Variants in AADACL2 observed in about 807,000 individuals in gnomAD.
The protein encoded by AADACL2 is arylacetamide deacetylase-like 2.
In AADACL2, 23 loss-of-function variants were observed where a neutral mutation model predicts 22.3. That is an observed-to-expected ratio of 1.03 (90% CI 0.74 to 1.46). The LOEUF (loss-of-function observed/expected upper bound fraction) is 1.46, where lower values mean the gene tolerates loss of function less well. AADACL2 is among the 40% of genes most tolerant of loss of function. AADACL2 has a pLI of 0.00. For synonymous variants in AADACL2, 177 were observed against 166.2 expected (o/e 1.07, Z -0.50); for missense variants, 472 against 482.9 (o/e 0.98, Z 0.21).
chr3:151,740,908 C>T (rs777349068), intron 2 of AADACL2, 40 bp downstream of exon 2: 3 of 1,549,024 alleles, frequency 1.9e-6, no homozygotes, highest in Non-Finnish European at 2.7e-6. Context: ...GCTAGCTCTA[C>T]ATTTTTGATA....
chr3:151,756,482 C>T (rs1315901855), intron 4 of AADACL2, among the ~76,000 whole-genome samples: 1 of 151,814 alleles, frequency 6.6e-6, no homozygotes, highest in Non-Finnish European at 1.5e-5. Context: ...TGGTAATGTC[C>T]ACCTTGTTTC....
At chr3:151,742,406 C>T (rs947768596) in intron 2 of AADACL2, among the ~76,000 whole-genome samples, 3 of 152,062 alleles carry the variant, frequency 2.0e-5, no homozygotes, top group Admixed American at 6.6e-5. Flanking sequence ...TGAGTACAGA[C>T]AGTTTGAGAT....
chr3:151,754,064 G>A (rs896957903), intron 4 of AADACL2, among the ~76,000 whole-genome samples: 1 of 152,094 alleles, frequency 6.6e-6, no homozygotes, highest in African/African-American at 2.4e-5. Context: ...TGCTTTGAAT[G>A]GGCTTTGAAG....
chr3:151,751,810 C>G (rs1046877475), intron 4 of AADACL2, among the ~76,000 whole-genome samples: 2 of 152,162 alleles, frequency 1.3e-5, no homozygotes, highest in African/African-American at 4.8e-5. Flanking sequence ...AACACAGGCA[C>G]CAAACAGAGA....
At chr3:151,740,985 G>A (rs879672196) in intron 2 of AADACL2, 117 bp downstream of exon 2, 43 of 793,692 alleles carry the variant, frequency 5.4e-5, no homozygotes, top group Non-Finnish European at 8.0e-5. Flanking sequence ...TACTTGTCTG[G>A]ATATGGATAA....
intron 3 of AADACL2, among the ~76,000 whole-genome samples, chr3:151,745,139 T>A (rs13327718): frequency 0.35 from 53,336 of 151,826 alleles, 9,581 homozygotes; most frequent in Middle Eastern, 0.47. Flanking sequence ...TGCAGCCTAT[T>A]GTGCTTTTTA....
intron 4 of AADACL2, among the ~76,000 whole-genome samples, chr3:151,747,460 AG>A (rs1713491240): frequency 6.6e-6 from 1 of 152,004 alleles, no homozygotes; most frequent in Non-Finnish European, 1.5e-5. Flanking sequence ...ATCCACTTCT[AG>A]GGGTTTAACT....
In AADACL2 at chr3:151,757,131, A is replaced by C. The variant is rs1277689569; in HGVS notation, c.743A>C (p.Lys248Thr). The C allele has an allele frequency of 1.3e-5, 21 of 1,613,480 alleles. No homozygotes were observed. Among genetic ancestry groups the C allele is most frequent in the South Asian group, 2.2e-5 (2 of 91,030 alleles). Residue 248 changes from lysine to threonine, a missense_variant, in exon 5 of 5, where the codon AAA (lysine) becomes ACA (threonine). Physicochemically the swap from Lys to Thr is moderately conservative, Grantham distance 78. Transcript: ENST00000356517. ...GIVLTRDVAI[K>T]LVSLYFTKDE... ...GTTTTGACCAGGGATGTAGCCATAA[A>C]ACTCGTGAGCTTATATTTCACCAAG...
chr3:151,734,221 G>A (rs1354721302), intron 1 of AADACL2, 48 bp downstream of exon 1: 1 of 1,583,708 alleles, frequency 6.3e-7, no homozygotes, highest in African/African-American at 1.4e-5. Flanking sequence ...ATGACTTATT[G>A]ACTAAAAATG....
At chr3:151,749,785 C>CT (rs200119393) in intron 4 of AADACL2, among the ~76,000 whole-genome samples, 9,494 of 152,134 alleles carry the variant, frequency 0.062, 342 homozygotes, top group Middle Eastern at 0.082. Flanking sequence ...CCGGCCCAGA[C>CT]TTTTTTTACT....
chr3:151,745,231 A>G (rs1713399983), intron 3 of AADACL2, among the ~76,000 whole-genome samples: 1 of 152,204 alleles, frequency 6.6e-6, no homozygotes, highest in Non-Finnish European at 1.5e-5. Context: ...CCATTCTAAA[A>G]TACACTTGGA....
At chr3:151,736,302 CTTT>C (rs10575713) in intron 1 of AADACL2, among the ~76,000 whole-genome samples, 16,773 of 138,420 alleles carry the variant, frequency 0.12, 990 homozygotes, top group Middle Eastern at 0.2. Context: ...AAGGATTTAT[CTTT>C]TTTTTTTTTT....
intron 4 of AADACL2, among the ~76,000 whole-genome samples, chr3:151,748,606 G>A (rs1713539523): frequency 6.6e-6 from 1 of 152,206 alleles, no homozygotes. Flanking sequence ...GAATGAAATA[G>A]TTTGTCAGAG....
chr3:151,740,938 AT>A, intron 2 of AADACL2, 70 bp downstream of exon 2: 2 of 1,280,182 alleles, frequency 1.6e-6, no homozygotes, highest in Middle Eastern at 2.1e-4. Flanking sequence ...TTTTATATAA[AT>A]ATACACACTT....
chr3:151,754,538 G>C (rs1323590963), intron 4 of AADACL2, among the ~76,000 whole-genome samples: 4 of 152,076 alleles, frequency 2.6e-5, no homozygotes, highest in Non-Finnish European at 4.4e-5. Context: ...ATTATAAAAG[G>C]AAAGTTCAAA....
chr3:151,745,738 T>G (rs182227200), intron 4 of AADACL2, 58 bp downstream of exon 4: 1 of 1,509,708 alleles, frequency 6.6e-7, no homozygotes, highest in Non-Finnish European at 8.9e-7. Context: ...TTTTTTTCTA[T>G]AGATAATTCA....
rs537754797 is a variant in AADACL2, at chr3:151,743,761, G to A, written c.362-332G>A. 3.9e-5 allele frequency among the ~76,000 whole-genome samples: 6 copies of A among 152,248 alleles called. No individual in the cohort carries two copies. The South Asian group carries it at 1.2e-3, about 32-fold the overall frequency. ...ACCATTATTTCAGATGAAGTAAAAT[G>A]CACCAGGATACAAAGGGTCCTGGGA... On this transcript the variant is annotated intron_variant, in intron 2 of 4. Coordinates refer to ENST00000356517, the MANE Select transcript of AADACL2 (RefSeq NM_207365.4).
At position 151,744,151 on chromosome 3, in the gene AADACL2, T is replaced by C. The variant is rs1168678456; in HGVS notation, c.420T>C (p.Val140=). 6 of 1,613,640 alleles carry C rather than the reference T, an allele frequency of 3.7e-6. No homozygotes were observed. The Admixed American group carries it at 8.3e-5, about 22-fold the overall frequency. The change falls in exon 3 of 5, where the codon GTT becomes GTC. Residue 140 remains valine (V), a synonymous_variant. Transcript: ENST00000356517. ...CGGCAAACACGCTTGATGCTGTTGT[T>C]GTAGGCGTGGAGTAAGAATGATTTT... The part of the protein sequence containing the change: ...RWTANTLDAV[V]VGVDYRLAPQ...
rs955803467 is a variant in AADACL2, at chr3:151,760,800, C to T, written c.*3206C>T. 3 of 152,028 alleles carry T rather than the reference C, an allele frequency of 2.0e-5. No individual in the cohort carries two copies. The highest frequency in any genetic ancestry group is 4.4e-5 in the Non-Finnish European group (3 of 68,022). 9.4% of individuals were successfully genotyped at this position (152,028 alleles called of 1,614,324 possible). A position where few individuals can be genotyped will look rare whatever the true frequency, so the allele number is the denominator to read the frequency against. ...GTTCAGAAGGCTAGAAGTTGGAGAT[C>T]AAGGTGTCATCACACCATGGTCCCT... On this transcript the variant is annotated 3_prime_UTR_variant, in exon 5 of 5. Coordinates refer to ENST00000356517, the MANE Select transcript of AADACL2 (RefSeq NM_207365.4).
Sources: allele counts gnomAD v4.1 joint callset (sites outside exome capture counted in the v4.1 genomes callset), GRCh38; gene constraint gnomAD v4.1.1; transcripts MANE v1.5; gene names NCBI Gene and HGNC (gene_info 2026-07-23, HGNC 2026-07-21).